NAALADL2: variants seen among roughly 807,000 people sequenced by gnomAD.
NAALADL2 encodes the protein N-acetylated alpha-linked acidic dipeptidase like 2.
In NAALADL2, 76 loss-of-function variants were observed where a neutral mutation model predicts 87.2. The ratio of observed to expected loss-of-function variants is 0.87; its 90% CI spans 0.72 to 1.05. The LOEUF is 1.05. Among genes scored for constraint, NAALADL2 ranks in the 50% least tolerant of loss-of-function variants. The pLI is 0.00. For missense variants in NAALADL2, 1,089 were observed against 945.8 expected (o/e 1.15, Z -1.99); for synonymous variants, 354 against 331.0 (o/e 1.07, Z -0.75).
chr3:175,235,592 A>G (rs1056478214), intron 3 of NAALADL2: 1 of 152,224 alleles, frequency 6.6e-6, no homozygotes, highest in Non-Finnish European at 1.5e-5. Context: ...AGACTCTAAA[A>G]GTTACCCCGA....
intron 1 of NAALADL2, among the ~76,000 whole-genome samples, chr3:175,070,199 A>AAAATAG (rs1715366806): frequency 6.7e-6 from 1 of 149,276 alleles, no homozygotes; most frequent in Non-Finnish European, 1.5e-5. Flanking sequence ...AATAAAAATA[A>AAAATAG]AAATTACAAT....
intron 3 of NAALADL2, among the ~76,000 whole-genome samples, chr3:174,796,378 C>T (rs570877655): frequency 6.6e-6 from 1 of 152,256 alleles, no homozygotes; most frequent in South Asian, 2.1e-4. Flanking sequence ...CTCCCAAATG[C>T]TTTCCACCCT....
chr3:175,603,497 C>T (rs539409288), intron 10 of NAALADL2, among the ~76,000 whole-genome samples: 1 of 152,264 alleles, frequency 6.6e-6, no homozygotes, highest in South Asian at 2.1e-4. Flanking sequence ...CAGGCCCTGA[C>T]AACCACCTGT....
intron 3 of NAALADL2, among the ~76,000 whole-genome samples, chr3:174,757,433 A>G (rs1712252469): frequency 1.3e-5 from 2 of 152,162 alleles, no homozygotes; most frequent in African/African-American, 4.8e-5. Context: ...GAAGCATTGG[A>G]AAACAAAAGA....
chr3:175,441,264 T>C (rs1175990528), intron 5 of NAALADL2, among the ~76,000 whole-genome samples: 1 of 152,144 alleles, frequency 6.6e-6, no homozygotes, highest in Non-Finnish European at 1.5e-5. Context: ...GTTGAATTCA[T>C]GTGAATTAAA....
chr3:175,055,370 A>T (rs1711915545), intron 1 of NAALADL2, among the ~76,000 whole-genome samples: 1 of 152,216 alleles, frequency 6.6e-6, no homozygotes, highest in Non-Finnish European at 1.5e-5. Flanking sequence ...TTCAAATTTA[A>T]ACTAGACCTT....
intron 1 of NAALADL2, among the ~76,000 whole-genome samples, chr3:175,038,573 T>C (rs1358156734): frequency 2.6e-5 from 4 of 152,184 alleles, no homozygotes; most frequent in African/African-American, 9.6e-5. Context: ...TGACTGTTAT[T>C]TCAGAATGTA....
chr3:175,241,482 A>G (rs1308933078), intron 3 of NAALADL2, among the ~76,000 whole-genome samples: 2 of 152,138 alleles, frequency 1.3e-5, no homozygotes, highest in African/African-American at 4.8e-5. Context: ...CGGCCTCCCA[A>G]AGTGCTGGGA....
chr3:175,587,832 A>G (rs1326095633), intron 10 of NAALADL2, among the ~76,000 whole-genome samples: 2 of 152,080 alleles, frequency 1.3e-5, no homozygotes, highest in East Asian at 3.9e-4. Context: ...TTCATAACCC[A>G]CACAAATAGT....
intron 1 of NAALADL2, among the ~76,000 whole-genome samples, chr3:174,464,432 G>C (rs940888436): frequency 1.3e-5 from 2 of 150,576 alleles, no homozygotes; most frequent in African/African-American, 4.9e-5. Context: ...TAACTTCTGG[G>C]GGGTCGGGGG....
chr3:175,278,388 T>C (rs1753870156), intron 4 of NAALADL2, among the ~76,000 whole-genome samples: 1 of 152,166 alleles, frequency 6.6e-6, no homozygotes, highest in East Asian at 1.9e-4. Flanking sequence ...ACTTCTATTT[T>C]CCACTCTAAA....
intron 1 of NAALADL2, among the ~76,000 whole-genome samples, chr3:174,896,129 A>C (rs548664951): frequency 2.0e-5 from 3 of 152,158 alleles, no homozygotes; most frequent in Admixed American, 2.0e-4. Flanking sequence ...ACAAGCCAAG[A>C]ATACCACCTG....
At chr3:175,270,732 T>C (rs1454632302) in intron 4 of NAALADL2, among the ~76,000 whole-genome samples, 3 of 152,174 alleles carry the variant, frequency 2.0e-5, no homozygotes, top group Non-Finnish European at 2.9e-5. Flanking sequence ...TTGACAGATA[T>C]GTGGAATACT....
chr3:175,274,226 A>G (rs1471780472), intron 4 of NAALADL2, among the ~76,000 whole-genome samples: 2 of 152,166 alleles, frequency 1.3e-5, no homozygotes, highest in Admixed American at 6.6e-5. Flanking sequence ...CTTTTATAGA[A>G]CAGTCAGATC....
chr3:175,159,953 C>T (rs999060295), intron 2 of NAALADL2, among the ~76,000 whole-genome samples: 16 of 151,464 alleles, frequency 1.1e-4, no homozygotes, highest in South Asian at 4.2e-4. Context: ...TCTCCTGCGT[C>T]AGCCTTCCTA....
intron 1 of NAALADL2, among the ~76,000 whole-genome samples, chr3:174,897,371 A>G (rs1305198337): frequency 1.3e-5 from 2 of 151,840 alleles, no homozygotes; most frequent in African/African-American, 2.4e-5. Context: ...TTGAAAAGAT[A>G]TTTTTCAAAA....
intron 9 of NAALADL2, 60 bp from the exon 10 acceptor site, chr3:175,575,981 T>G: frequency 7.2e-7 from 1 of 1,397,688 alleles, no homozygotes; most frequent in East Asian, 2.4e-5. Flanking sequence ...TGAGTAGCAC[T>G]GATCTAGGGA....
intron 9 of NAALADL2, among the ~76,000 whole-genome samples, chr3:175,496,490 C>T (rs1185969068): frequency 1.3e-5 from 2 of 151,920 alleles, no homozygotes; most frequent in East Asian, 3.9e-4. Context: ...AGATGCACAC[C>T]AATTTCATAT....
rs1580728739 is a variant in NAALADL2, at chr3:175,157,722, T to C, written c.545+60431T>C. Among the ~76,000 whole-genome samples, 4 of 152,170 alleles carry C rather than the reference T, an allele frequency of 2.6e-5. 1 individual carries two copies. Among genetic ancestry groups the C allele is most frequent in the Admixed American group, 2.6e-4 (4 of 15,286 alleles). On this transcript the variant is annotated intron_variant, in intron 2 of 13. Coordinates refer to ENST00000454872, the MANE Select transcript of NAALADL2 (RefSeq NM_207015.3). ...CATGCCATTAACTGGGATTTCCCAG[T>C]TGATTGTCATCTCTCCATGTTTAAC...
Sources: allele counts gnomAD v4.1 joint callset (sites outside exome capture counted in the v4.1 genomes callset), GRCh38; gene constraint gnomAD v4.1.1; transcripts MANE v1.5; gene names NCBI Gene and HGNC (gene_info 2026-07-23, HGNC 2026-07-21).